KLF17: variants seen among roughly 807,000 people sequenced by gnomAD.
The protein encoded by KLF17 is Krueppel-like factor 17.
KLF17 carries 31 observed loss-of-function variants against 34.2 expected under a neutral mutation model. The observed-to-expected ratio is 0.91, with a 90% CI of 0.68 to 1.22. The LOEUF is 1.22. Among genes scored for constraint, KLF17 ranks in the 50% most tolerant of loss-of-function variants. The probability of loss-of-function intolerance (pLI) is 0.00; values close to 1 mark genes in which losing one functional copy is unlikely to be tolerated. For missense variants in KLF17, 478 were observed against 505.2 expected (o/e 0.95, Z 0.52); for synonymous variants, 179 against 186.7 (o/e 0.96, Z 0.34).
At chr1:44,099,857 G>GAAAGAAAGAAAA in the KLF17 span, among the ~76,000 whole-genome samples, 1 of 97,014 alleles carries the variant, frequency 1.0e-5, no homozygotes, top group African/African-American at 4.3e-5. Context: ...AAGAAAGAAA[G>GAAAGAAAGAAAA]AAAGAAAGAA....
At chr1:44,065,988 T>A in the KLF17 span, among the ~76,000 whole-genome samples, 1,133 of 152,256 alleles carry the variant, frequency 7.4e-3, 14 homozygotes, top group African/African-American at 0.026. Flanking sequence ...AAGTCTAGAA[T>A]AAGATATCAT....
chr1:44,067,373 G>A, the KLF17 span, among the ~76,000 whole-genome samples: 1 of 152,194 alleles, frequency 6.6e-6, no homozygotes, highest in East Asian at 1.9e-4. Context: ...TATTGTGGTT[G>A]ATGTAGCATC....
chr1:44,097,016 G>A, the KLF17 span, among the ~76,000 whole-genome samples: 61 of 152,250 alleles, frequency 4.0e-4, no homozygotes, highest in South Asian at 8.3e-4. Context: ...AAGGTGTAAC[G>A]AAGTGGTCTA....
the KLF17 span, among the ~76,000 whole-genome samples, chr1:44,072,312 C>G: frequency 2.6e-5 from 4 of 151,968 alleles, no homozygotes; most frequent in Non-Finnish European, 4.4e-5. Flanking sequence ...GAAATCCAGT[C>G]AGGTCTTAAG....
upstream of KLF17, among the ~76,000 whole-genome samples, chr1:44,116,252 G>A (rs1571980471): frequency 6.6e-6 from 1 of 152,188 alleles, no homozygotes; most frequent in Non-Finnish European, 1.5e-5. Context: ...TCAAGGGCCT[G>A]CTCTCAGCCC....
At chr1:44,055,512 C>T in the KLF17 span, among the ~76,000 whole-genome samples, 15 of 152,264 alleles carry the variant, frequency 9.9e-5, no homozygotes, top group South Asian at 2.5e-3. Context: ...TTACAGGCCA[C>T]AGTTCAATTT....
the KLF17 span, among the ~76,000 whole-genome samples, chr1:44,098,516 T>C: frequency 6.6e-6 from 1 of 151,256 alleles, no homozygotes; most frequent in Non-Finnish European, 1.5e-5. Context: ...ATCTTTTTTG[T>C]GATGTATTTA....
chr1:44,112,684 G>C, the KLF17 span, among the ~76,000 whole-genome samples: 2 of 152,134 alleles, frequency 1.3e-5, no homozygotes, highest in Admixed American at 1.3e-4. Flanking sequence ...CTGGGATTAT[G>C]GATGTGAGTC....
the KLF17 span, among the ~76,000 whole-genome samples, chr1:44,062,580 G>A: frequency 9.9e-5 from 15 of 151,124 alleles, no homozygotes; most frequent in African/African-American, 2.7e-4. Flanking sequence ...AAAAAGCCAC[G>A]TGTAGTGGTG....
At chr1:44,089,584 T>G in the KLF17 span, among the ~76,000 whole-genome samples, 39 of 152,170 alleles carry the variant, frequency 2.6e-4, no homozygotes, top group African/African-American at 8.9e-4. Flanking sequence ...CAACAAGTTC[T>G]TCCTTGAAGG....
chr1:44,111,847 C>G, the KLF17 span, among the ~76,000 whole-genome samples: 2 of 152,158 alleles, frequency 1.3e-5, no homozygotes, highest in Admixed American at 1.3e-4. Context: ...GAGCTGAGAT[C>G]GCGCCATTGC....
chr1:44,132,180 C>A (rs2154311899), intron 3 of KLF17, among the ~76,000 whole-genome samples: 1 of 152,182 alleles, frequency 6.6e-6, no homozygotes, highest in East Asian at 1.9e-4. Flanking sequence ...GTGGCGTGCG[C>A]CTGTAGTCCC....
chr1:44,065,156 C>T, the KLF17 span, among the ~76,000 whole-genome samples: 3 of 151,802 alleles, frequency 2.0e-5, no homozygotes, highest in South Asian at 2.1e-4. Flanking sequence ...GGCGTGGTAG[C>T]GCACGCCTGT....
At chr1:44,099,686 T>C in the KLF17 span, among the ~76,000 whole-genome samples, 48,824 of 148,932 alleles carry the variant, frequency 0.33, 8,223 homozygotes, top group South Asian at 0.38. Context: ...TGGTGGTGCA[T>C]GCCTGTAGTC....
chr1:44,073,092 A>G, the KLF17 span, among the ~76,000 whole-genome samples: 1 of 152,186 alleles, frequency 6.6e-6, no homozygotes, highest in African/African-American at 2.4e-5. Flanking sequence ...ACAGACAGGA[A>G]TTGGAGTAGT....
chr1:44,122,521 T>TGC, intron 1 of KLF17: 1 of 884,274 alleles, frequency 1.1e-6, no homozygotes, highest in Non-Finnish European at 1.9e-6. Context: ...ATCCTAGCGG[T>TGC]GCCATCACCC....
upstream of KLF17, among the ~76,000 whole-genome samples, chr1:44,117,645 G>A (rs991780921): frequency 9.2e-5 from 14 of 151,632 alleles, no homozygotes; most frequent in African/African-American, 2.7e-4. Context: ...ACAGGCACGC[G>A]CCACCACGCC....
intron 1 of KLF17, among the ~76,000 whole-genome samples, chr1:44,127,624 C>G (rs958560117): frequency 1.6e-5 from 1 of 63,810 alleles, no homozygotes; most frequent in Non-Finnish European, 3.4e-5. Context: ...CTTTTCTTTT[C>G]TTTTCTTTTC....
the KLF17 span, among the ~76,000 whole-genome samples, chr1:44,087,727 TATATATA>T: frequency 1.4e-4 from 8 of 55,872 alleles, no homozygotes; most frequent in South Asian, 8.5e-4. Context: ...ATATATTTTA[TATATATA>T]TATATATATA....
Sources: allele counts gnomAD v4.1 joint callset (sites outside exome capture counted in the v4.1 genomes callset), GRCh38; gene constraint gnomAD v4.1.1; transcripts MANE v1.5; gene names NCBI Gene and HGNC (gene_info 2026-07-23, HGNC 2026-07-21).